GPR158: variants seen among roughly 807,000 people sequenced by gnomAD.
The protein encoded by GPR158 is G protein-coupled receptor 158.
In GPR158, 30 loss-of-function variants were observed where a neutral mutation model predicts 78.2. The observed-to-expected ratio is 0.38, with a 90% CI of 0.29 to 0.52. The LOEUF is 0.52. GPR158 is among the 20% of genes least tolerant of loss of function. GPR158 has a pLI of 0.83. For missense variants in GPR158, 1,463 were observed against 1,523.5 expected (o/e 0.96, Z 0.66); for synonymous variants, 581 against 591.1 (o/e 0.98, Z 0.25).
Position 25,363,371 on chromosome 10 carries a change from C to A in GPR158, c.1009-32540C>A, listed in dbSNP as rs893520227. The stretch of plus-strand genomic sequence containing the variant: ...TTAATATTTAATTCATATGACTAAG[C>A]ATTCTGTTGATTAAACCACACTCTG... On this transcript the variant is annotated intron_variant, in intron 2 of 10. Coordinates refer to ENST00000376351, the MANE Select transcript of GPR158 (RefSeq NM_020752.3). 2.0e-5 allele frequency among the ~76,000 whole-genome samples: 3 copies of A among 151,852 alleles called. No individual in the cohort carries two copies. In the East Asian group the frequency reaches 5.8e-4, roughly 29 times the overall value.
chr10:25,526,102 CTAA>C (rs1218343547), intron 5 of GPR158, among the ~76,000 whole-genome samples: 4 of 36,684 alleles, frequency 1.1e-4, no homozygotes, highest in Non-Finnish European at 1.7e-4. Flanking sequence ...CCAATTTTGT[CTAA>C]AAAAAAAAAA....
chr10:25,576,986 A>AAGTC (rs1463398742), intron 7 of GPR158, among the ~76,000 whole-genome samples: 1 of 150,792 alleles, frequency 6.6e-6, no homozygotes, highest in African/African-American at 2.4e-5. Context: ...AAAAAAAAAA[A>AAGTC]AGTCAGGGCA....
chr10:25,588,322 T>C (rs529125477), intron 7 of GPR158, among the ~76,000 whole-genome samples: 1 of 152,344 alleles, frequency 6.6e-6, no homozygotes, highest in East Asian at 1.9e-4. Flanking sequence ...ATCAGAATTA[T>C]ATCTAACACG....
chr10:25,301,644 C>CA (rs147202233), intron 2 of GPR158, among the ~76,000 whole-genome samples: 67 of 148,996 alleles, frequency 4.5e-4, no homozygotes, highest in East Asian at 2.8e-3. Flanking sequence ...TTCTGATTTT[C>CA]AAAAAAAAAG....
At chr10:25,467,226 T>C (rs1471326394) in intron 5 of GPR158, among the ~76,000 whole-genome samples, 1 of 152,208 alleles carries the variant, frequency 6.6e-6, no homozygotes, top group Non-Finnish European at 1.5e-5. Flanking sequence ...CTGGGATCAA[T>C]AGAAAGGAAA....
At chr10:25,217,075 C>T (rs1224661824) in intron 1 of GPR158, among the ~76,000 whole-genome samples, 1 of 152,060 alleles carries the variant, frequency 6.6e-6, no homozygotes, top group Non-Finnish European at 1.5e-5. Flanking sequence ...CTTCAGCAAC[C>T]CTTACTTGCA....
intron 3 of GPR158, among the ~76,000 whole-genome samples, chr10:25,409,555 T>A (rs1834558684): frequency 6.6e-6 from 1 of 152,220 alleles, no homozygotes; most frequent in African/African-American, 2.4e-5. Flanking sequence ...TTTCAACTGA[T>A]TCCTTCTTTC....
At chr10:25,306,925 A>G (rs1388818295) in intron 2 of GPR158, among the ~76,000 whole-genome samples, 2 of 152,110 alleles carry the variant, frequency 1.3e-5, no homozygotes, top group Non-Finnish European at 2.9e-5. Context: ...CACATAACAT[A>G]CTTGTTAAAT....
In GPR158 at chr10:25,445,434, G is replaced by T. The variant is rs12263096; in HGVS notation, c.1336-21217G>T. On this transcript the variant is annotated intron_variant, in intron 4 of 10. Coordinates refer to ENST00000376351, the MANE Select transcript of GPR158 (RefSeq NM_020752.3). ...ATTGGTAGGGGCTAGAATATGAACA[G>T]CTTTAAATGTTGAGCTTATAAAATT... Among the ~76,000 whole-genome samples, 1,287 of 152,264 alleles carry T rather than the reference G, an allele frequency of 8.5e-3. 18 individuals are homozygous for T. Among genetic ancestry groups the T allele is most frequent in the African/African-American group, 0.03 (1,240 of 41,556 alleles).
chr10:25,352,166 G>T (rs1399687305), intron 2 of GPR158, among the ~76,000 whole-genome samples: 1 of 152,034 alleles, frequency 6.6e-6, no homozygotes, highest in Non-Finnish European at 1.5e-5. Context: ...GCCAGCATTT[G>T]TGATTGTTTG....
At chr10:25,179,161 A>AT (rs1852581407) in intron 1 of GPR158, among the ~76,000 whole-genome samples, 1 of 152,236 alleles carries the variant, frequency 6.6e-6, no homozygotes, top group Non-Finnish European at 1.5e-5. Flanking sequence ...TGTTGATGAT[A>AT]TTTTATCATC....
chr10:25,418,460 T>C (rs1226951444), intron 4 of GPR158, among the ~76,000 whole-genome samples: 1 of 152,116 alleles, frequency 6.6e-6, no homozygotes, highest in Non-Finnish European at 1.5e-5. Context: ...CCCTATGCCT[T>C]TGGTTAAAGA....
chr10:25,382,915 TC>T (rs1419727912), intron 2 of GPR158, among the ~76,000 whole-genome samples: 1 of 152,060 alleles, frequency 6.6e-6, no homozygotes, highest in Non-Finnish European at 1.5e-5. Flanking sequence ...CATTGCAACC[TC>T]CTTCCTTCTC....
At chr10:25,208,618 A>G (rs1388604268) in intron 1 of GPR158, among the ~76,000 whole-genome samples, 1 of 150,274 alleles carries the variant, frequency 6.7e-6, no homozygotes, top group Non-Finnish European at 1.5e-5. Flanking sequence ...TAGAATTGAG[A>G]AGTAAAAGAC....
chr10:25,420,644 G>C (rs1834737066), intron 4 of GPR158, among the ~76,000 whole-genome samples: 2 of 151,962 alleles, frequency 1.3e-5, no homozygotes, highest in South Asian at 4.1e-4. Context: ...TTTATGTATA[G>C]TATAAGATCA....
intron 6 of GPR158, among the ~76,000 whole-genome samples, chr10:25,566,929 G>A (rs1051346560): frequency 2.0e-5 from 3 of 151,952 alleles, no homozygotes; most frequent in Non-Finnish European, 4.4e-5. Flanking sequence ...TAGCTCTCAG[G>A]ACTCTTTTGT....
intron 2 of GPR158, among the ~76,000 whole-genome samples, chr10:25,236,926 T>G (rs1012059301): frequency 6.6e-6 from 1 of 152,232 alleles, no homozygotes; most frequent in African/African-American, 2.4e-5. Flanking sequence ...TAAATGTATA[T>G]GAAGTTGTAT....
intron 2 of GPR158, among the ~76,000 whole-genome samples, chr10:25,356,870 A>G (rs1365794462): frequency 1.3e-5 from 2 of 152,120 alleles, no homozygotes; most frequent in African/African-American, 4.8e-5. Flanking sequence ...GAATTGGGTA[A>G]CAGGCAGAGT....
intron 2 of GPR158, among the ~76,000 whole-genome samples, chr10:25,386,097 T>C (rs2130513499): frequency 6.6e-6 from 1 of 152,304 alleles, no homozygotes; most frequent in Middle Eastern, 3.4e-3. Flanking sequence ...TTAGGTGTTA[T>C]GTTTAAGTCT....
Sources: gnomAD v4.1 joint callset for allele counts (sites outside exome capture counted in the v4.1 genomes callset) on GRCh38, gnomAD v4.1.1 for gene constraint, MANE v1.5 for transcripts, NCBI Gene and HGNC (gene_info 2026-07-23, HGNC 2026-07-21) for gene names.